The following CNTN5 variants were observed in gnomAD, a reference collection of about 807,000 sequenced individuals.
CNTN5 encodes the protein contactin-5.
CNTN5 carries 77 observed loss-of-function variants against 129.1 expected under a neutral mutation model. That is an observed-to-expected ratio of 0.60 (90% CI 0.50 to 0.72). The LOEUF is 0.72. Among genes scored for constraint, CNTN5 ranks in the 30% least tolerant of loss-of-function variants. The probability of loss-of-function intolerance (pLI) is 0.00; values close to 1 mark genes in which losing one functional copy is unlikely to be tolerated. For missense variants in CNTN5, 1,478 were observed against 1,328.8 expected, an observed-to-expected ratio of 1.11 and a Z score of -1.75; for synonymous variants, 509 against 465.6, an observed-to-expected ratio of 1.09 and a Z score of -1.20.
At chr11:99,921,579 T>G (rs1949940032) in intron 7 of CNTN5, among the ~76,000 whole-genome samples, 1 of 152,194 alleles carries the variant, frequency 6.6e-6, no homozygotes, top group Non-Finnish European at 1.5e-5. Flanking sequence ...GCCTTAATTT[T>G]TCTCCATAAT....
At chr11:99,645,102 T>TAA (rs140819611) in intron 3 of CNTN5, among the ~76,000 whole-genome samples, 1 of 143,144 alleles carries the variant, frequency 7.0e-6, no homozygotes. Context: ...CGTCTCTACT[T>TAA]TAAAAAAAAA....
chr11:99,752,171 A>C (rs1421348181), intron 3 of CNTN5, among the ~76,000 whole-genome samples: 1 of 152,216 alleles, frequency 6.6e-6, no homozygotes, highest in Admixed American at 6.5e-5. Flanking sequence ...ACAGGAATAC[A>C]TTAAAATTTT....
chr11:100,090,552 C>CTTCCTTCCT (rs1944740544), intron 13 of CNTN5, among the ~76,000 whole-genome samples: 6 of 100,110 alleles, frequency 6.0e-5, no homozygotes, highest in African/African-American at 2.5e-4. Flanking sequence ...CCTTCCTTCC[C>CTTCCTTCCT]TCCCTCCCTC....
intron 1 of CNTN5, among the ~76,000 whole-genome samples, chr11:99,069,565 T>C (rs1865248971): frequency 6.6e-6 from 1 of 152,158 alleles, no homozygotes. Context: ...AGGTCAGTCC[T>C]TCCCATTGAA....
At chr11:99,676,881 C>T (rs1266664595) in intron 3 of CNTN5, among the ~76,000 whole-genome samples, 1 of 152,108 alleles carries the variant, frequency 6.6e-6, no homozygotes, top group South Asian at 2.1e-4. Flanking sequence ...TTAAGGCCCT[C>T]GGATCTTCTT....
At chr11:99,842,432 T>G (rs1947539716) in intron 4 of CNTN5, among the ~76,000 whole-genome samples, 1 of 152,204 alleles carries the variant, frequency 6.6e-6, no homozygotes. Flanking sequence ...CAACTGATAT[T>G]CCTACTAATA....
chr11:99,403,901 T>A (rs1941949245), intron 2 of CNTN5, among the ~76,000 whole-genome samples: 1 of 152,144 alleles, frequency 6.6e-6, no homozygotes. Flanking sequence ...AAGTCTGATG[T>A]TTCTTTGTTG....
chr11:99,107,787 C>T (rs971224192), intron 1 of CNTN5, among the ~76,000 whole-genome samples: 7 of 151,378 alleles, frequency 4.6e-5, no homozygotes, highest in African/African-American at 1.2e-4. Flanking sequence ...AAAAATTAGC[C>T]GGGCATGGTG....
chr11:100,313,071 T>C (rs1421854391), intron 21 of CNTN5, among the ~76,000 whole-genome samples: 2 of 152,034 alleles, frequency 1.3e-5, no homozygotes, highest in African/African-American at 4.8e-5. Context: ...AGACAAGATA[T>C]GTATAGATAT....
intron 9 of CNTN5, among the ~76,000 whole-genome samples, chr11:100,043,094 T>C (rs1211625352): frequency 2.0e-5 from 3 of 152,228 alleles, no homozygotes; most frequent in Non-Finnish European, 4.4e-5. Context: ...TTTTGGATAA[T>C]ACCATAATTT....
At chr11:99,504,529 C>CAA (rs754621021) in intron 2 of CNTN5, among the ~76,000 whole-genome samples, 22,542 of 89,620 alleles carry the variant, frequency 0.25, 2,269 homozygotes, top group East Asian at 0.41. Context: ...GACTCCGTCT[C>CAA]AAAAAAAAAA....
At chr11:100,096,037 G>T (rs539154413) in intron 13 of CNTN5, among the ~76,000 whole-genome samples, 1 of 152,138 alleles carries the variant, frequency 6.6e-6, no homozygotes, top group African/African-American at 2.4e-5. Context: ...AGACAGGGCC[G>T]ATATCATGGT....
At chr11:99,091,053 T>C (rs1393178210) in intron 1 of CNTN5, among the ~76,000 whole-genome samples, 3 of 144,178 alleles carry the variant, frequency 2.1e-5, no homozygotes, top group African/African-American at 7.9e-5. Flanking sequence ...AAGCCTTATG[T>C]CTATGAAAGA....
chr11:99,270,032 G>A (rs1292779598), intron 1 of CNTN5, among the ~76,000 whole-genome samples: 1 of 151,732 alleles, frequency 6.6e-6, no homozygotes, highest in African/African-American at 2.4e-5. Flanking sequence ...ATTGGTGTGT[G>A]TGCCCTTCTT....
intron 1 of CNTN5, among the ~76,000 whole-genome samples, chr11:99,176,631 C>G (rs749147566): frequency 6.6e-6 from 1 of 152,202 alleles, no homozygotes; most frequent in African/African-American, 2.4e-5. Context: ...TCTTACACAT[C>G]ATTTCCAGTG....
intron 8 of CNTN5, among the ~76,000 whole-genome samples, chr11:99,975,789 G>C (rs992475435): frequency 1.3e-5 from 2 of 152,066 alleles, no homozygotes; most frequent in Non-Finnish European, 1.5e-5. Flanking sequence ...TGGGGACACA[G>C]AGCCAAACCA....
chr11:99,491,741 A>G (rs1201035395), intron 2 of CNTN5, among the ~76,000 whole-genome samples: 2 of 152,180 alleles, frequency 1.3e-5, no homozygotes, highest in Non-Finnish European at 2.9e-5. Flanking sequence ...AGGAACATGA[A>G]ATCACCAGTA....
At chr11:99,683,887 C>G (rs145757709) in intron 3 of CNTN5, among the ~76,000 whole-genome samples, 1 of 151,442 alleles carries the variant, frequency 6.6e-6, no homozygotes, top group Admixed American at 6.6e-5. Context: ...TATACACACA[C>G]TGTGGAATGG....
chr11:99,781,303 T>C (rs1945302097), intron 3 of CNTN5, among the ~76,000 whole-genome samples: 1 of 151,998 alleles, frequency 6.6e-6, no homozygotes, highest in Admixed American at 6.6e-5. Context: ...AACAGTGGAG[T>C]AACAGATGGC....
Sources: gnomAD v4.1 joint callset for allele counts (sites outside exome capture counted in the v4.1 genomes callset) on GRCh38, gnomAD v4.1.1 for gene constraint, MANE v1.5 for transcripts, NCBI Gene and HGNC (gene_info 2026-07-23, HGNC 2026-07-21) for gene names.